The following EEF2KMT variants were observed in gnomAD, a reference collection of about 807,000 sequenced individuals.
EEF2KMT encodes eukaryotic elongation factor 2 lysine methyltransferase.
Under a neutral mutation model 35.1 loss-of-function variants are expected in EEF2KMT, and 30 were observed. The ratio of observed to expected loss-of-function variants is 0.85; its 90% CI spans 0.64 to 1.16. EEF2KMT has a LOEUF of 1.16. Among genes scored for constraint, EEF2KMT ranks in the 50% most tolerant of loss-of-function variants. The pLI, the probability that EEF2KMT is intolerant of heterozygous loss-of-function variation, is 0.00. For synonymous variants in EEF2KMT, 190 were observed against 187.7 expected (o/e 1.01, Z -0.10); for missense variants, 499 against 438.2 (o/e 1.14, Z -1.24).
intron 2 of EEF2KMT, chr16:5,095,237 A>G (rs1596280788): frequency 3.2e-6 from 2 of 623,306 alleles, no homozygotes; most frequent in South Asian, 4.2e-5. Flanking sequence ...AGGTTTTTGT[A>G]TATTCTGAAG....
rs373706031 is a variant in EEF2KMT at position 5,097,765 on chromosome 16, C to A, written c.-26G>T. 21 of 1,540,188 alleles carry A rather than the reference C, an allele frequency of 1.4e-5. No homozygotes were observed. The highest frequency in any genetic ancestry group is 2.4e-5 in the East Asian group (1 of 41,144). ...GACGTGGGCGGGGCCGCAGCGTTGC[C>A]GGCAGACCGGGCGGAAGCCCGGCCT... On this transcript the variant is annotated 5_prime_UTR_variant, in exon 1 of 8. Coordinates refer to ENST00000427587, the MANE Select transcript of EEF2KMT (RefSeq NM_201400.4).
intron 7 of EEF2KMT, chr16:5,087,085 A>C (rs1358428979): frequency 6.6e-6 from 1 of 152,220 alleles, no homozygotes; most frequent in East Asian, 1.9e-4. Flanking sequence ...CCTGCCATCC[A>C]AGGATGGCAC....
chr16:5,089,500 A>T, intron 6 of EEF2KMT: 6 of 603,406 alleles, frequency 9.9e-6, no homozygotes, highest in Non-Finnish European at 1.7e-5. Context: ...GTTCCTTAAA[A>T]AACCAGCTCT....
chr16:5,092,177 C>T (rs1011907458), intron 3 of EEF2KMT, among the ~76,000 whole-genome samples: 3 of 151,924 alleles, frequency 2.0e-5, no homozygotes, highest in Non-Finnish European at 2.9e-5. Context: ...GGTAGGGAAA[C>T]CTGGATGGGA....
chr16:5,088,722 G>A (rs1331893997), intron 7 of EEF2KMT, among the ~76,000 whole-genome samples: 4 of 152,158 alleles, frequency 2.6e-5, no homozygotes, highest in South Asian at 4.1e-4. Context: ...GGACAGTGGC[G>A]TGGTGGATCC....
In EEF2KMT at chr16:5,084,798, C is replaced by T. The variant is rs16835020; in HGVS notation, c.*834G>A. On this transcript the variant is annotated 3_prime_UTR_variant, in exon 8 of 8. Coordinates refer to ENST00000427587, the MANE Select transcript of EEF2KMT (RefSeq NM_201400.4). The stretch of plus-strand genomic sequence containing the variant: ...TCCTGCGGGCAAGCTAAACCAGTTC[C>T]GGAAGAACCTGCGGGAGTCGCAGCA... 15 of 1,596,316 alleles carry T rather than the reference C, an allele frequency of 9.4e-6. No homozygotes were observed. Among genetic ancestry groups the T allele is most frequent in the Admixed American group, 3.3e-5 (2 of 59,994 alleles).
At position 5,085,326 on chromosome 16, in the gene EEF2KMT, TG is replaced by T. The variant is rs1160650359; in HGVS notation, c.*305del. On this transcript the variant is annotated 3_prime_UTR_variant, in exon 8 of 8. Transcript: ENST00000427587. ...TGTGAGGAACTGAGTGTGTCCACGT[TG>T]GGGGAACATCATACTTGATACACAC... The T allele has an allele frequency of 8.1e-6, 4 of 494,022 alleles. No individual in the cohort carries two copies. Among genetic ancestry groups the T allele is most frequent in the Admixed American group, 3.3e-5 (1 of 29,974 alleles). 30.6% of individuals were successfully genotyped at this position (494,022 alleles called of 1,614,324 possible).
rs755592437 is a variant in EEF2KMT, at chr16:5,090,177, C to G, written c.649G>C (p.Asp217His). The change falls in exon 6 of 8, where the codon GAC (aspartate) becomes CAC (histidine). Residue 217 changes from aspartate to histidine, a missense_variant. Coordinates refer to ENST00000427587, the MANE Select transcript of EEF2KMT (RefSeq NM_201400.4). The surrounding 1 kb of genome is among the most constrained non-coding windows in gnomAD (Gnocchi z 4.1). ...SLEADITAKLDSPRVTVAQLD... is the reference protein window; with the variant it reads ...SLEADITAKLHSPRVTVAQLD... ...TGGGCCACTGTCACCCTGGGGCTGT[C>G]TAACTTGGCAGTGATGTCTGCCTCT... 4.3e-6 allele frequency: 7 copies of G among 1,611,604 alleles called. No homozygotes were observed. The highest frequency in any genetic ancestry group is 5.9e-6 in the Non-Finnish European group (7 of 1,179,860).
chr16:5,089,454 C>G (rs1957293898), intron 6 of EEF2KMT, 198 bp from the exon 7 acceptor site: 2 of 777,610 alleles, frequency 2.6e-6, no homozygotes, highest in Admixed American at 2.9e-5. Context: ...CTGCAAAAGA[C>G]CGAAGCAAAA....
rs567520212 is a variant in EEF2KMT at position 5,084,662 on chromosome 16, G to T, written c.*970C>A. The T allele has an allele frequency of 3.8e-4, 599 of 1,583,394 alleles. 7 individuals are homozygous for T. In the South Asian group the frequency reaches 6.3e-3, roughly 17 times the overall value. On this transcript the variant is annotated 3_prime_UTR_variant, in exon 8 of 8. Transcript: ENST00000427587. ...AGGGACTTGGGAGGGGTTGTTGTTG[G>T]GTCGGGGACCTGGGGTCAGCCAGGT...
At chr16:5,093,250 G>A (rs1957378955) in intron 3 of EEF2KMT, among the ~76,000 whole-genome samples, 2 of 152,092 alleles carry the variant, frequency 1.3e-5, no homozygotes, top group Admixed American at 1.3e-4. Flanking sequence ...GGGCCCCAGA[G>A]GAGCAGCTGC....
chr16:5,097,545 C>T, intron 1 of EEF2KMT, 99 bp downstream of exon 1: 3 of 1,506,520 alleles, frequency 2.0e-6, no homozygotes, highest in Non-Finnish European at 1.8e-6. Context: ...CAGGAACTCA[C>T]GTGGCGGGAG....
Position 5,089,973 on chromosome 16 carries a change from C to A in EEF2KMT, c.742+111G>T. 5.3e-6 allele frequency: 8 copies of A among 1,508,950 alleles called. No homozygotes were observed. In the South Asian group the frequency reaches 8.9e-5, roughly 17 times the overall value. 93.5% of individuals were successfully genotyped at this position (1,508,950 alleles called of 1,614,324 possible). A position where few individuals can be genotyped will look rare whatever the true frequency, so the allele number is the denominator to read the frequency against. On this transcript the variant is annotated intron_variant, in intron 6 of 7. Transcript: ENST00000427587. ...AGGCCCAGAGTAACTCTTCTGGAAG[C>A]CCCATCATGTCCATGCCCGACAGCG... is the stretch of plus-strand genomic sequence containing the variant.
chr16:5,084,556 A>G lies in EEF2KMT; in HGVS notation c.*1076T>C. The G allele has an allele frequency of 2.3e-6, 2 of 881,790 alleles. No individual in the cohort carries two copies. The highest frequency in any genetic ancestry group is 1.6e-5 in the South Asian group (1 of 62,742). The allele number at this position is 881,790 out of a possible 1,614,324, so 54.6% of individuals were successfully genotyped here. A position where few individuals can be genotyped will look rare whatever the true frequency, so the allele number is the denominator to read the frequency against. On this transcript the variant is annotated 3_prime_UTR_variant, in exon 8 of 8. Transcript: ENST00000427587. ...GTGTGGGAAAGTGGGACATGCGGGG[A>G]AGTTTCCAGAAACTGTGATGTCAAG...
Position 5,085,386 on chromosome 16 carries a change from G to C in EEF2KMT, c.*246C>G. Reference sequence around the variant, plus strand: ...TTGCACAAAGAAAATGCTATTTTTGGAGCCAGAATTTTCATGTCTGATTTA... The same window carrying C: ...TTGCACAAAGAAAATGCTATTTTTGCAGCCAGAATTTTCATGTCTGATTTA... On this transcript the variant is annotated 3_prime_UTR_variant, in exon 8 of 8. Coordinates refer to ENST00000427587, the MANE Select transcript of EEF2KMT (RefSeq NM_201400.4). 1.8e-6 allele frequency: 1 copy of C among 547,806 alleles called. No individual in the cohort carries two copies. Among genetic ancestry groups the C allele is most frequent in the Non-Finnish European group, 3.4e-6 (1 of 296,950 alleles). The allele number at this position is 547,806 out of a possible 1,614,324, so 33.9% of individuals were successfully genotyped here. A position where few individuals can be genotyped will look rare whatever the true frequency, so the allele number is the denominator to read the frequency against.
In EEF2KMT at chr16:5,090,977, C is replaced by T. The variant is rs1043049712; in HGVS notation, c.343-412G>A. On this transcript the variant is annotated intron_variant, in intron 4 of 7. Transcript: ENST00000427587. This position sits in a 1 kb window ranked among gnomAD's most constrained non-coding sequence, Gnocchi z 4.1. The stretch of plus-strand genomic sequence containing the variant: ...GTCACCCAGGCTGGAGTCAGTGGCA[C>T]GATCTTGGCTCACTGCAACCTCTGC... Among the ~76,000 whole-genome samples the T allele has an allele frequency of 3.3e-5, 5 of 152,114 alleles. No individual in the cohort carries two copies. The highest frequency in any genetic ancestry group is 5.9e-5 in the Non-Finnish European group (4 of 68,030).
At chr16:5,097,494 G>C (rs970225528) in intron 1 of EEF2KMT, 150 bp downstream of exon 1, 93 of 1,436,652 alleles carry the variant, frequency 6.5e-5, no homozygotes, top group Non-Finnish European at 9.2e-6. Context: ...CCAGGCCCCA[G>C]GGACGGGGAC....
chr16:5,085,590 G>A lies in EEF2KMT; in HGVS notation c.*42C>T. On this transcript the variant is annotated 3_prime_UTR_variant, in exon 8 of 8. Coordinates refer to ENST00000427587, the MANE Select transcript of EEF2KMT (RefSeq NM_201400.4). ...CCATATAAAAATTCTTCCCATGAGA[G>A]TGACTTGATTCTCACAATCCCGTTG... is the stretch of plus-strand genomic sequence containing the variant. The A allele has an allele frequency of 7.3e-7, 1 of 1,361,172 alleles. No individual in the cohort carries two copies. The highest frequency in any genetic ancestry group is 1.1e-6 in the Non-Finnish European group (1 of 951,092). 84.3% of individuals were successfully genotyped at this position (1,361,172 alleles called of 1,614,324 possible).
chr16:5,093,474 C>T lies in EEF2KMT; in HGVS notation c.240+10G>A. 2.5e-6 allele frequency: 4 copies of T among 1,611,988 alleles called. No homozygotes were observed. Among genetic ancestry groups the T allele is most frequent in the Non-Finnish European group, 3.4e-6 (4 of 1,179,850 alleles). On this transcript the variant is annotated intron_variant, in intron 3 of 7. Coordinates refer to ENST00000427587, the MANE Select transcript of EEF2KMT (RefSeq NM_201400.4). ...GTCCGGCTACTGGGCGGACACTGCCCATAACTGACCTTTTTGATGAGTTCT... is the reference window on the plus strand; with the variant it reads ...GTCCGGCTACTGGGCGGACACTGCCTATAACTGACCTTTTTGATGAGTTCT...
Sources: gnomAD v4.1 joint callset for allele counts (sites outside exome capture counted in the v4.1 genomes callset) on GRCh38, gnomAD v4.1.1 for gene constraint, Gnocchi (gnomAD v3.1) non-coding constraint, MANE v1.5 for transcripts, NCBI Gene and HGNC (gene_info 2026-07-23, HGNC 2026-07-21) for gene names.